Variants in RORA observed in about 807,000 individuals in gnomAD.
The protein encoded by RORA is nuclear receptor ROR-alpha.
Under a neutral mutation model 69.5 loss-of-function variants are expected in RORA, and 7 were observed. The observed-to-expected ratio is 0.10, with a 90% CI of 0.06 to 0.19. The LOEUF (loss-of-function observed/expected upper bound fraction) is 0.19, where lower values mean the gene tolerates loss of function less well. RORA is among the 10% of genes least tolerant of loss of function. The pLI is 1.00. For missense variants in RORA, 457 were observed against 663.0 expected, an observed-to-expected ratio of 0.69 and a Z score of 3.41; for synonymous variants, 261 against 240.8, an observed-to-expected ratio of 1.08 and a Z score of -0.78.
intron 2 of RORA, among the ~76,000 whole-genome samples, chr15:60,570,110 T>C (rs1387113995): frequency 6.6e-6 from 1 of 152,002 alleles, no homozygotes; most frequent in Non-Finnish European, 1.5e-5. Flanking sequence ...CTTATTTGAC[T>C]CCGAGACAAG....
At chr15:60,732,515 C>CT (rs1429794163) in intron 1 of RORA, among the ~76,000 whole-genome samples, 5 of 152,072 alleles carry the variant, frequency 3.3e-5, no homozygotes, top group African/African-American at 1.2e-4. Context: ...AGAAGTTGTC[C>CT]TCAAAAAAAT....
chr15:60,875,637 G>C lies in RORA; in HGVS notation c.167-196951C>G, dbSNP rs367641546. 5.9e-5 allele frequency among the ~76,000 whole-genome samples: 9 copies of C among 152,328 alleles called. No homozygotes were observed. The East Asian group carries it at 9.6e-4, about 16-fold the overall frequency. ...TATGGAGAGGCACTTCAGGGAAACA[G>C]ACCTTTGAGAGTTAACCAAATCTTT... On this transcript the variant is annotated intron_variant, in intron 1 of 10. Transcript: ENST00000335670.
chr15:60,965,065 G>C (rs1893515498), intron 1 of RORA, among the ~76,000 whole-genome samples: 1 of 152,120 alleles, frequency 6.6e-6, no homozygotes, highest in African/African-American at 2.4e-5. Context: ...CGATGAACCA[G>C]GCATAGATTA....
chr15:60,822,466 ACTGGAG>A (rs1309401997), intron 1 of RORA, among the ~76,000 whole-genome samples: 6 of 152,188 alleles, frequency 3.9e-5, no homozygotes, highest in South Asian at 2.1e-4. Context: ...AACGCTCCAC[ACTGGAG>A]CTCAAATGCA....
chr15:60,970,443 C>T (rs1429487838), intron 1 of RORA, among the ~76,000 whole-genome samples: 1 of 152,282 alleles, frequency 6.6e-6, no homozygotes, highest in East Asian at 1.9e-4. Context: ...GCGTGCCAGG[C>T]ATTGTATGAG....
chr15:60,529,804 A>T (rs953379578), intron 3 of RORA: 1 of 152,152 alleles, frequency 6.6e-6, no homozygotes, highest in Non-Finnish European at 1.5e-5. Flanking sequence ...TTGTTGGGGT[A>T]TTTCATATGA....
rs1417836977 is a variant in RORA at position 60,496,009 on chromosome 15, A to T, written c.*1446T>A. 1 of 152,232 alleles carries T rather than the reference A, an allele frequency of 6.6e-6. No homozygotes were observed. Among genetic ancestry groups the T allele is most frequent in the East Asian group, 1.9e-4 (1 of 5,200 alleles). The allele number at this position is 152,232 out of a possible 1,614,324, so 9.4% of individuals were successfully genotyped here. ...AATACAAGAGTAAATGTTTGCAGCT[A>T]GCATCAACTTCACTTTAAAGGCTTA... On this transcript the variant is annotated 3_prime_UTR_variant, in exon 11 of 11. Transcript: ENST00000335670. The surrounding 1 kb of genome is among the most constrained non-coding windows in gnomAD (Gnocchi z 4.5).
At chr15:60,749,728 G>A (rs545095776) in intron 1 of RORA, among the ~76,000 whole-genome samples, 4 of 152,212 alleles carry the variant, frequency 2.6e-5, no homozygotes, top group African/African-American at 9.6e-5. Context: ...AAACAATAAC[G>A]ATAATAGCTA....
At chr15:60,746,997 G>C (rs2071658197) in intron 1 of RORA, among the ~76,000 whole-genome samples, 1 of 152,112 alleles carries the variant, frequency 6.6e-6, no homozygotes, top group African/African-American at 2.4e-5. Context: ...AGGCTGAATT[G>C]GGAACTGATT....
chr15:60,657,400 T>C (rs2070237812), intron 2 of RORA, among the ~76,000 whole-genome samples: 2 of 152,156 alleles, frequency 1.3e-5, no homozygotes, highest in African/African-American at 2.4e-5. Flanking sequence ...CACAGAGCTC[T>C]GGACAATGGG....
chr15:60,540,669 AC>A (rs2066844574), intron 2 of RORA, among the ~76,000 whole-genome samples: 1 of 151,680 alleles, frequency 6.6e-6, no homozygotes, highest in African/African-American at 2.4e-5. Flanking sequence ...ATAAAAGCTT[AC>A]CAGGCAAAGG....
At chr15:60,554,809 A>C (rs568998888) in intron 2 of RORA, among the ~76,000 whole-genome samples, 6 of 152,254 alleles carry the variant, frequency 3.9e-5, no homozygotes, top group Non-Finnish European at 2.9e-5. Flanking sequence ...GCATTCACCC[A>C]AAGAGAAGAG....
intron 1 of RORA, among the ~76,000 whole-genome samples, chr15:61,091,480 C>G (rs1348563785): frequency 6.6e-6 from 1 of 152,178 alleles, no homozygotes; most frequent in Non-Finnish European, 1.5e-5. Flanking sequence ...GCCCAGTGCA[C>G]CCCAGGGCTT....
intron 1 of RORA, among the ~76,000 whole-genome samples, chr15:61,087,334 T>C (rs2078640085): frequency 1.3e-5 from 2 of 152,222 alleles, no homozygotes; most frequent in Non-Finnish European, 2.9e-5. Context: ...GATAAATTAA[T>C]TACAAACCTG....
intron 1 of RORA, among the ~76,000 whole-genome samples, chr15:61,048,354 T>A (rs1897135778): frequency 6.6e-6 from 1 of 152,200 alleles, no homozygotes. Context: ...CCTGGTTTCA[T>A]CTTTCCAGTG....
intron 2 of RORA, among the ~76,000 whole-genome samples, chr15:60,613,348 G>A (rs1437177751): frequency 6.6e-6 from 1 of 152,128 alleles, no homozygotes; most frequent in East Asian, 1.9e-4. Flanking sequence ...GAAATGACAT[G>A]TAGACTAACC....
At chr15:61,004,062 A>G (rs1302114999) in intron 1 of RORA, among the ~76,000 whole-genome samples, 1 of 152,182 alleles carries the variant, frequency 6.6e-6, no homozygotes, top group Admixed American at 6.5e-5. Flanking sequence ...GACACGCCAC[A>G]GGGAGCTTCT....
intron 2 of RORA, among the ~76,000 whole-genome samples, chr15:60,599,435 CA>C (rs2068765307): frequency 6.6e-6 from 1 of 152,178 alleles, no homozygotes; most frequent in Non-Finnish European, 1.5e-5. Flanking sequence ...CCTGTAATCT[CA>C]GCTACTTGGG....
At chr15:60,825,016 A>G (rs341379) in intron 1 of RORA, among the ~76,000 whole-genome samples, 28,729 of 152,192 alleles carry the variant, frequency 0.19, 3,315 homozygotes, top group Non-Finnish European at 0.26. Flanking sequence ...AGAGCTGCCT[A>G]CTGCTGATAC....
Sources: gnomAD v4.1 joint callset for allele counts (sites outside exome capture counted in the v4.1 genomes callset) on GRCh38, gnomAD v4.1.1 for gene constraint, Gnocchi (gnomAD v3.1) non-coding constraint, MANE v1.5 for transcripts, NCBI Gene and HGNC (gene_info 2026-07-23, HGNC 2026-07-21) for gene names.